TRAK1: variants seen among roughly 807,000 people sequenced by gnomAD.
TRAK1 encodes trafficking kinesin-binding protein 1.
TRAK1 carries 33 observed loss-of-function variants against 92.1 expected under a neutral mutation model. That is an observed-to-expected ratio of 0.36 (90% CI 0.27 to 0.48). TRAK1 has a LOEUF of 0.48. Ranked by LOEUF, TRAK1 falls within the 20% of genes least tolerant of loss-of-function variation. The pLI, the probability that TRAK1 is intolerant of heterozygous loss-of-function variation, is 0.99. For synonymous variants in TRAK1, 521 were observed against 517.3 expected, an observed-to-expected ratio of 1.01 and a Z score of -0.10; for missense variants, 1,123 against 1,257.9, an observed-to-expected ratio of 0.89 and a Z score of 1.62.
chr3:42,217,150 A>G, intron 14 of TRAK1: 1 of 518,554 alleles, frequency 1.9e-6, no homozygotes, highest in Non-Finnish European at 2.4e-6. Flanking sequence ...CCAGGGCTTT[A>G]GGAATCAGCC....
At chr3:42,103,358 A>G (rs1457089351) in intron 1 of TRAK1, among the ~76,000 whole-genome samples, 7 of 151,928 alleles carry the variant, frequency 4.6e-5, no homozygotes, top group Admixed American at 4.6e-4. Context: ...TTTTCTTAGT[A>G]GAGACAGGGT....
intron 1 of TRAK1, among the ~76,000 whole-genome samples, chr3:42,099,520 A>G (rs1467073411): frequency 6.6e-6 from 1 of 152,112 alleles, no homozygotes; most frequent in African/African-American, 2.4e-5. Flanking sequence ...GAACCTTCTT[A>G]GTGGGAGAGA....
Position 42,193,141 on chromosome 3 carries a change from G to A in TRAK1, c.836G>A (p.Arg279His), listed in dbSNP as rs758052932. 3.7e-6 allele frequency: 6 copies of A among 1,614,056 alleles called. No homozygotes were observed. The highest frequency in any genetic ancestry group is 1.7e-5 in the Admixed American group (1 of 60,004). ...ELAKKTEDAA[R>H]QQEEITHLLS... ...GCCAAGAAGACGGAAGATGCTGCCCGCCAGCAAGAGGAGATCACACACCTG... is the reference window on the plus strand; with the variant it reads ...GCCAAGAAGACGGAAGATGCTGCCCACCAGCAAGAGGAGATCACACACCTG... Residue 279 changes from arginine (R) to histidine (H), a missense_variant, in exon 8 of 16, where the codon CGC (arginine) becomes CAC (histidine). Transcript: ENST00000327628.
At chr3:42,029,248 C>A (rs910956324) in intron 1 of TRAK1, among the ~76,000 whole-genome samples, 2 of 152,174 alleles carry the variant, frequency 1.3e-5, no homozygotes, top group Non-Finnish European at 1.5e-5. Context: ...GGACAGAGAT[C>A]CAAACCATAT....
At chr3:42,133,778 A>C (rs925347877) in intron 2 of TRAK1, among the ~76,000 whole-genome samples, 5 of 152,254 alleles carry the variant, frequency 3.3e-5, no homozygotes, top group Admixed American at 3.3e-4. Flanking sequence ...GATTTGTTGT[A>C]GTGCATAATC....
intron 1 of TRAK1, among the ~76,000 whole-genome samples, chr3:42,066,609 T>C (rs1157397941): frequency 2.6e-5 from 4 of 152,048 alleles, no homozygotes; most frequent in Admixed American, 2.0e-4. Flanking sequence ...TAGGCACGGC[T>C]CAGTCCTCCC....
At chr3:42,014,281 A>T (rs913154903) in intron 1 of TRAK1, among the ~76,000 whole-genome samples, 3 of 152,208 alleles carry the variant, frequency 2.0e-5, no homozygotes, top group Admixed American at 2.0e-4. Flanking sequence ...CCGCACCTGC[A>T]GGAGGCCCTC....
At chr3:42,068,618 CTT>C (rs1357786708) in intron 1 of TRAK1, among the ~76,000 whole-genome samples, 1 of 152,186 alleles carries the variant, frequency 6.6e-6, no homozygotes, top group Non-Finnish European at 1.5e-5. Context: ...AGAAGTGAGT[CTT>C]TAAGGAATGA....
At chr3:42,185,129 C>T (rs553156937) in intron 4 of TRAK1, among the ~76,000 whole-genome samples, 1 of 152,296 alleles carries the variant, frequency 6.6e-6, no homozygotes, top group South Asian at 2.1e-4. Context: ...AGAGTCTAGA[C>T]TCTAACGATG....
At chr3:42,194,703 G>T in intron 9 of TRAK1, 101 bp from the exon 10 acceptor site, 3 of 1,412,872 alleles carry the variant, frequency 2.1e-6, no homozygotes, top group Non-Finnish European at 2.9e-6. Flanking sequence ...ACGTGCTGGG[G>T]ACTCTTAGAT....
intron 12 of TRAK1, among the ~76,000 whole-genome samples, chr3:42,201,389 G>A (rs964154325): frequency 2.0e-5 from 3 of 152,058 alleles, no homozygotes; most frequent in African/African-American, 7.2e-5. Flanking sequence ...GAACCCGGGA[G>A]GTGGAGGTTG....
At chr3:42,043,105 A>G (rs1011622432) in intron 1 of TRAK1, among the ~76,000 whole-genome samples, 1 of 152,032 alleles carries the variant, frequency 6.6e-6, no homozygotes, top group Non-Finnish European at 1.5e-5. Context: ...GGTAAGGATT[A>G]GTATATCTGC....
intron 1 of TRAK1, among the ~76,000 whole-genome samples, chr3:42,060,916 C>T (rs1231321940): frequency 1.3e-5 from 2 of 152,050 alleles, no homozygotes; most frequent in Non-Finnish European, 2.9e-5. Flanking sequence ...CAGGCATGAG[C>T]CACCGCGCCC....
intron 2 of TRAK1, among the ~76,000 whole-genome samples, chr3:42,165,718 G>T (rs1701777421): frequency 6.6e-6 from 1 of 152,162 alleles, no homozygotes; most frequent in African/African-American, 2.4e-5. Flanking sequence ...GTCGAAGGAG[G>T]AACTGACCTG....
intron 2 of TRAK1, among the ~76,000 whole-genome samples, chr3:42,175,926 C>T (rs1413611183): frequency 2.6e-5 from 4 of 152,084 alleles, no homozygotes; most frequent in Non-Finnish European, 5.9e-5. Flanking sequence ...CGTTGGCTGG[C>T]CATAAATCCA....
chr3:42,152,521 C>T (rs1700072007), intron 2 of TRAK1, among the ~76,000 whole-genome samples: 1 of 152,208 alleles, frequency 6.6e-6, no homozygotes, highest in Non-Finnish European at 1.5e-5. Context: ...CTCAGACTCA[C>T]ATCAGACTAG....
intron 1 of TRAK1, among the ~76,000 whole-genome samples, chr3:42,081,550 G>T (rs1419381005): frequency 6.6e-6 from 1 of 152,142 alleles, no homozygotes; most frequent in African/African-American, 2.4e-5. Context: ...ATCAGCCCTG[G>T]ACAAATGGTG....
intron 1 of TRAK1, among the ~76,000 whole-genome samples, chr3:42,062,085 T>G (rs1703470034): frequency 6.6e-6 from 1 of 152,238 alleles, no homozygotes; most frequent in Admixed American, 6.5e-5. Context: ...AGAGAGATCC[T>G]GCTCATATGT....
Position 42,223,775 on chromosome 3 carries a change from C to T in TRAK1, c.*38C>T, listed in dbSNP as rs748032674. 5.2e-6 allele frequency: 8 copies of T among 1,548,862 alleles called. No individual in the cohort carries two copies. In the Admixed American group the frequency reaches 5.4e-5, roughly 10 times the overall value. ...GGCCGGTTGCCCTAGAGGAGACCCA[C>T]GTTCTCCTCTCTTGCTCCCACCTCC... On this transcript the variant is annotated 3_prime_UTR_variant, in exon 16 of 16. Transcript: ENST00000327628. The surrounding 1 kb of genome is among the most constrained non-coding windows in gnomAD (Gnocchi z 6.1).
Sources: gnomAD v4.1 joint callset for allele counts (sites outside exome capture counted in the v4.1 genomes callset) on GRCh38, gnomAD v4.1.1 for gene constraint, Gnocchi (gnomAD v3.1) non-coding constraint, MANE v1.5 for transcripts, NCBI Gene and HGNC (gene_info 2026-07-23, HGNC 2026-07-21) for gene names.